The following RHOA variants were observed in gnomAD, a reference collection of about 807,000 sequenced individuals.
RHOA encodes ras homolog family member A.
A neutral mutation model predicts 17.5 loss-of-function variants in RHOA; 3 were observed. The ratio of observed to expected loss-of-function variants is 0.17; its 90% CI spans 0.08 to 0.44. The LOEUF (loss-of-function observed/expected upper bound fraction) is 0.44. RHOA is among the 20% of genes least tolerant of loss of function. The probability of loss-of-function intolerance (pLI) is 0.99; values close to 1 mark genes in which losing one functional copy is unlikely to be tolerated. For synonymous variants in RHOA, 98 were observed against 88.4 expected (o/e 1.11, Z -0.61); for missense variants, 56 against 242.3 (o/e 0.23, Z 5.10).
At chr3:49,388,424 T>G (rs979028086) in intron 1 of RHOA, among the ~76,000 whole-genome samples, 2 of 152,152 alleles carry the variant, frequency 1.3e-5, no homozygotes, top group African/African-American at 4.8e-5. Context: ...ACTTTACAAG[T>G]CAAAGTGATT....
At chr3:49,396,461 G>C (rs1420017844) in intron 1 of RHOA, among the ~76,000 whole-genome samples, 1 of 151,962 alleles carries the variant, frequency 6.6e-6, no homozygotes, top group Admixed American at 6.6e-5. Context: ...TGTAATCCCA[G>C]TACTTTGGAA....
chr3:49,389,950 A>G (rs1015973589), intron 1 of RHOA, among the ~76,000 whole-genome samples: 1 of 151,762 alleles, frequency 6.6e-6, no homozygotes, highest in Non-Finnish European at 1.5e-5. Context: ...AAAAAAAAAA[A>G]AAAAAAAGTT....
chr3:49,411,385 A>G lies in RHOA; in HGVS notation c.-3+435T>C, dbSNP rs6777731. ...GATTGTCGTTTCTCGTTAAACGTAA[A>G]AAGCAAAATGGAGTTGTAAAGAGTT... On this transcript the variant is annotated intron_variant, in intron 1 of 4. Coordinates refer to ENST00000418115, the MANE Select transcript of RHOA (RefSeq NM_001664.4). Among the ~76,000 whole-genome samples, 1,477 of 152,364 alleles carry G rather than the reference A, an allele frequency of 9.7e-3. 28 individuals are homozygous for G. Among genetic ancestry groups the G allele is most frequent in the African/African-American group, 0.032 (1,337 of 41,596 alleles).
intron 1 of RHOA, among the ~76,000 whole-genome samples, chr3:49,395,098 A>AC (rs1477984284): frequency 6.6e-6 from 1 of 151,468 alleles, no homozygotes; most frequent in Non-Finnish European, 1.5e-5. Flanking sequence ...AAATACAAAA[A>AC]AAAACAGCCG....
chr3:49,373,849 TAGACAACAAAAGGAAGC>T (rs981497721), intron 2 of RHOA, among the ~76,000 whole-genome samples: 8 of 150,634 alleles, frequency 5.3e-5, no homozygotes, highest in African/African-American at 2.0e-4. Context: ...AAGCATTACT[TAGACAACAAAAGGAAGC>T]AGAAGATTAA....
intron 1 of RHOA, among the ~76,000 whole-genome samples, chr3:49,391,996 TTCCGTA>T (rs2107881102): frequency 6.6e-6 from 1 of 151,930 alleles, no homozygotes; most frequent in East Asian, 1.9e-4. Context: ...TTCGGCTCAT[TTCCGTA>T]TTTTTAGTAG....
chr3:49,406,468 G>A (rs1575290551), intron 1 of RHOA, among the ~76,000 whole-genome samples: 1 of 152,294 alleles, frequency 6.6e-6, no homozygotes, highest in South Asian at 2.1e-4. Context: ...CTTTAGAGCA[G>A]CTATAAGCTT....
At chr3:49,403,940 G>T (rs192687729) in intron 1 of RHOA, among the ~76,000 whole-genome samples, 107 of 151,572 alleles carry the variant, frequency 7.1e-4, no homozygotes, top group African/African-American at 2.3e-3. Context: ...AAATCTTAGG[G>T]TGCTACTCCC....
At chr3:49,401,104 C>T (rs953243705) in intron 1 of RHOA, among the ~76,000 whole-genome samples, 1 of 148,336 alleles carries the variant, frequency 6.7e-6, no homozygotes, top group Admixed American at 6.8e-5. Context: ...TTCAAAAGCC[C>T]AAATTACTAA....
intron 1 of RHOA, among the ~76,000 whole-genome samples, chr3:49,378,170 TAAAAAAAA>T (rs71627382): frequency 1.1e-5 from 1 of 90,476 alleles, no homozygotes; most frequent in Non-Finnish European, 2.0e-5. Flanking sequence ...AACTGTGTCT[TAAAAAAAA>T]AAAAAAAAAA....
chr3:49,383,645 C>A (rs1336893479), intron 1 of RHOA, among the ~76,000 whole-genome samples: 1 of 152,098 alleles, frequency 6.6e-6, no homozygotes, highest in African/African-American at 2.4e-5. Context: ...GAGATTACTG[C>A]ATGTGTCTTC....
intron 3 of RHOA, chr3:49,365,083 A>C (rs1168746175): frequency 3.3e-5 from 5 of 150,416 alleles, no homozygotes; most frequent in Admixed American, 6.6e-5. Context: ...TTATTTTCTG[A>C]TTTACTTTTT....
intron 3 of RHOA, among the ~76,000 whole-genome samples, chr3:49,363,281 G>A (rs554140976): frequency 1.4e-4 from 21 of 152,194 alleles, no homozygotes; most frequent in African/African-American, 4.6e-4. Context: ...TTAGCCGGGT[G>A]TAGTGGTGGG....
intron 1 of RHOA, among the ~76,000 whole-genome samples, chr3:49,409,266 G>C (rs1435789929): frequency 6.6e-6 from 1 of 151,990 alleles, no homozygotes; most frequent in Non-Finnish European, 1.5e-5. Context: ...ATGGTGGTGG[G>C]TGCCTGTAGT....
rs765701865 is a variant in RHOA, at chr3:49,360,377, C to T, written c.414G>A (p.Pro138=). 1.6e-5 allele frequency: 25 copies of T among 1,607,150 alleles called. 1 individual carries two copies. In the South Asian group the frequency reaches 1.8e-4, roughly 11 times the overall value. Residue 138 remains proline, a synonymous_variant, in exon 5 of 5, where the codon CCG becomes CCA. Coordinates refer to ENST00000418115, the MANE Select transcript of RHOA (RefSeq NM_001664.4). ...TATCTCTGCCTTCTTCAGGTTTCAC[C>T]GGCTCCTAGCAAAGAAAAAAAAATA... ...RRELAKMKQE[P]VKPEEGRDMA...
At chr3:49,407,701 C>A (rs1195187681) in intron 1 of RHOA, among the ~76,000 whole-genome samples, 1 of 152,026 alleles carries the variant, frequency 6.6e-6, no homozygotes, top group African/African-American at 2.4e-5. Flanking sequence ...CAGAACAAAT[C>A]CAAAGAATTT....
intron 1 of RHOA, among the ~76,000 whole-genome samples, chr3:49,396,361 A>C (rs2048616157): frequency 6.6e-6 from 1 of 151,306 alleles, no homozygotes; most frequent in Admixed American, 6.6e-5. Context: ...ATCATTTGAG[A>C]TCAGGAGTTA....
intron 1 of RHOA, among the ~76,000 whole-genome samples, chr3:49,387,323 A>G (rs1389196712): frequency 6.6e-6 from 1 of 151,162 alleles, no homozygotes; most frequent in Admixed American, 6.6e-5. Context: ...ACGCACCTGT[A>G]GTCCCAGCTA....
intron 1 of RHOA, among the ~76,000 whole-genome samples, chr3:49,409,704 C>CT (rs1045225841): frequency 6.6e-6 from 1 of 152,174 alleles, no homozygotes; most frequent in Non-Finnish European, 1.5e-5. Flanking sequence ...CTCCTAATAA[C>CT]TTACACCCCC....
Sources: allele counts gnomAD v4.1 joint callset (sites outside exome capture counted in the v4.1 genomes callset), GRCh38; gene constraint gnomAD v4.1.1; transcripts MANE v1.5; gene names NCBI Gene and HGNC (gene_info 2026-07-23, HGNC 2026-07-21).